Variants in POU2F3 observed in about 807,000 individuals in gnomAD.
POU2F3 encodes POU domain, class 2, transcription factor 3.
In POU2F3, 23 loss-of-function variants were observed where a neutral mutation model predicts 59.2. The ratio of observed to expected loss-of-function variants is 0.39; its 90% CI spans 0.28 to 0.55. POU2F3 has a LOEUF of 0.55. Among genes scored for constraint, POU2F3 ranks in the 20% least tolerant of loss-of-function variants. The probability of loss-of-function intolerance (pLI) is 0.66; values close to 1 mark genes in which losing one functional copy is unlikely to be tolerated. For synonymous variants in POU2F3, 190 were observed against 214.6 expected (o/e 0.89, Z 1.00); for missense variants, 473 against 544.5 (o/e 0.87, Z 1.31).
chr11:120,244,555 A>T (rs1938794388), intron 1 of POU2F3, among the ~76,000 whole-genome samples: 1 of 152,244 alleles, frequency 6.6e-6, no homozygotes, highest in Non-Finnish European at 1.5e-5. Flanking sequence ...GGTTTGTCTG[A>T]TGCCAAATCC....
At position 120,302,337 on chromosome 11, in the gene POU2F3, T is replaced by TC; in HGVS notation, c.416dup (p.Gln140ThrfsTer45). On this transcript the variant is annotated frameshift_variant, in exon 6 of 13. Coordinates refer to ENST00000543440, the MANE Select transcript of POU2F3 (RefSeq NM_014352.4). LOFTEE classifies it high-confidence loss of function. ...CCACAGCAACAAAGCGGTCTCCTCC[T>TC]CCCACAGACTGGGCCGGGACTGGCA... 1 of 1,612,770 alleles carries TC rather than the reference T, an allele frequency of 6.2e-7. No homozygotes were observed. The highest frequency in any genetic ancestry group is 8.5e-7 in the Non-Finnish European group (1 of 1,178,812).
chr11:120,266,897 A>C (rs1939847566), intron 2 of POU2F3, among the ~76,000 whole-genome samples: 1 of 152,248 alleles, frequency 6.6e-6, no homozygotes, highest in Admixed American at 6.5e-5. Context: ...TTGTATCCCC[A>C]GTGCCTGGAA....
chr11:120,266,293 A>G (rs889096259), intron 2 of POU2F3, among the ~76,000 whole-genome samples: 6 of 151,850 alleles, frequency 4.0e-5, no homozygotes, highest in African/African-American at 1.5e-4. Flanking sequence ...ATTTAAGTAC[A>G]TCCTGGCCCT....
intron 3 of POU2F3, among the ~76,000 whole-genome samples, chr11:120,288,495 TGAG>T (rs1198457774): frequency 2.0e-5 from 3 of 152,178 alleles, no homozygotes; most frequent in African/African-American, 7.2e-5. Flanking sequence ...TTAGATGACT[TGAG>T]TTCAAGTCAC....
intron 10 of POU2F3, among the ~76,000 whole-genome samples, chr11:120,314,537 A>G (rs1591447334): frequency 1.3e-5 from 2 of 152,368 alleles, no homozygotes; most frequent in East Asian, 3.9e-4. Context: ...TAATTAAAAT[A>G]TATAATGGAA....
chr11:120,246,552 G>A lies in POU2F3; in HGVS notation c.97+35G>A, dbSNP rs7114851. 5 of 1,596,734 alleles carry A rather than the reference G, an allele frequency of 3.1e-6. No individual in the cohort carries two copies. The African/African-American group carries it at 4.2e-5, about 13-fold the overall frequency. On this transcript the variant is annotated intron_variant, in intron 2 of 12. Transcript: ENST00000543440. ...TTCTCTTCTCGGGGATGGAGGGGGT[G>A]GGGGGAAGAGAGTTGTTGGGAATTG...
At chr11:120,271,663 T>C (rs1425754418) in intron 3 of POU2F3, among the ~76,000 whole-genome samples, 1 of 152,188 alleles carries the variant, frequency 6.6e-6, no homozygotes, top group African/African-American at 2.4e-5. Flanking sequence ...TGAGACACAC[T>C]AGTGCTGGAG....
chr11:120,304,779 C>T (rs1355003760), intron 6 of POU2F3, among the ~76,000 whole-genome samples: 1 of 151,904 alleles, frequency 6.6e-6, no homozygotes, highest in Non-Finnish European at 1.5e-5. Flanking sequence ...CTCAGGCCAC[C>T]TCCCTATCCT....
intron 8 of POU2F3, 92 bp downstream of exon 8, chr11:120,305,877 T>C (rs543526005): frequency 2.6e-5 from 38 of 1,471,446 alleles, no homozygotes; most frequent in Non-Finnish European, 3.5e-5. Context: ...GGGAGTTTGA[T>C]ACCTAACACC....
At chr11:120,308,070 A>C (rs1941549032) in intron 9 of POU2F3, among the ~76,000 whole-genome samples, 1 of 152,240 alleles carries the variant, frequency 6.6e-6, no homozygotes, top group Non-Finnish European at 1.5e-5. Flanking sequence ...GAAAGAAAAA[A>C]AACGCCCATC....
At chr11:120,251,834 G>A (rs1487479579) in intron 2 of POU2F3, among the ~76,000 whole-genome samples, 5 of 126,372 alleles carry the variant, frequency 4.0e-5, no homozygotes, top group African/African-American at 9.2e-5. Context: ...TTGCTCTGTC[G>A]CCCAGGCTGG....
intron 8 of POU2F3, among the ~76,000 whole-genome samples, chr11:120,306,381 A>G (rs934080322): frequency 2.0e-5 from 3 of 152,088 alleles, no homozygotes; most frequent in African/African-American, 7.2e-5. Context: ...GGGACCTCAC[A>G]TTTGGCAGCA....
intron 7 of POU2F3, 25 bp from the exon 8 acceptor site, chr11:120,305,619 C>T (rs773603142): frequency 1.2e-6 from 2 of 1,611,130 alleles, no homozygotes; most frequent in Non-Finnish European, 1.7e-6. Context: ...CTCTCATGTT[C>T]CTCCCCCTCG....
intron 2 of POU2F3, chr11:120,265,779 T>G (rs2135184227): frequency 6.6e-6 from 1 of 152,338 alleles, no homozygotes; most frequent in South Asian, 2.1e-4. Context: ...AATGCTATTT[T>G]TCTCACTTTC....
intron 3 of POU2F3, among the ~76,000 whole-genome samples, chr11:120,296,303 T>C (rs950001126): frequency 5.9e-5 from 9 of 152,262 alleles, no homozygotes; most frequent in African/African-American, 1.9e-4. Flanking sequence ...GTTTTCACTA[T>C]GTGAAAGGCA....
chr11:120,305,663 T>A lies in POU2F3; in HGVS notation c.647T>A (p.Met216Lys). ...GCTTAGGGAGATGTGGGGCTGGCGA[T>A]GGGAAAGCTGTATGGCAACGACTTC... ...GFTQGDVGLA[M>K]GKLYGNDFSQ... is the part of the protein sequence containing the mutation. The change falls in exon 8 of 13, where the codon ATG (methionine) becomes AAG (lysine). Residue 216 changes from methionine to lysine, a missense_variant. Physicochemically the swap from Met to Lys is moderately conservative, Grantham distance 95 (BLOSUM62 -1). Coordinates refer to ENST00000543440, the MANE Select transcript of POU2F3 (RefSeq NM_014352.4). The A allele has an allele frequency of 6.2e-7, 1 of 1,613,884 alleles. No homozygotes were observed. The highest frequency in any genetic ancestry group is 8.5e-7 in the Non-Finnish European group (1 of 1,180,024).
chr11:120,266,174 G>A (rs1461056397), intron 2 of POU2F3, among the ~76,000 whole-genome samples: 1 of 152,098 alleles, frequency 6.6e-6, no homozygotes, highest in African/African-American at 2.4e-5. Context: ...CGTAGTGAGT[G>A]GCACCACCAC....
rs533318196 is a variant in POU2F3 at position 120,253,263 on chromosome 11, T to C, written c.97+6746T>C. Among the ~76,000 whole-genome samples, 632 of 67,232 alleles carry C rather than the reference T, an allele frequency of 9.4e-3. 5 individuals are homozygous for C. Among genetic ancestry groups the C allele is most frequent in the African/African-American group, 0.055 (581 of 10,612 alleles). 44.1% of individuals were successfully genotyped at this position (67,232 alleles called of 152,430 possible). A position where few individuals can be genotyped will look rare whatever the true frequency, so the allele number is the denominator to read the frequency against. ...TTGGATGTGCTATTAACATTTTTAA[T>C]TTTTTTTTTTTTTTGAGATGGAGTC... On this transcript the variant is annotated intron_variant, in intron 2 of 12. Coordinates refer to ENST00000543440, the MANE Select transcript of POU2F3 (RefSeq NM_014352.4).
intron 3 of POU2F3, among the ~76,000 whole-genome samples, chr11:120,297,032 T>A (rs1941210741): frequency 6.6e-6 from 1 of 152,218 alleles, no homozygotes; most frequent in African/African-American, 2.4e-5. Context: ...ATATTCGCAG[T>A]GTAGACCAAG....
Sources: allele counts gnomAD v4.1 joint callset (sites outside exome capture counted in the v4.1 genomes callset), GRCh38; gene constraint gnomAD v4.1.1; transcripts MANE v1.5; gene names NCBI Gene and HGNC (gene_info 2026-07-23, HGNC 2026-07-21).